The following CHST9 variants were observed in gnomAD, a reference collection of about 807,000 sequenced individuals.
The protein encoded by CHST9 is GalNAc-4-sulfotransferase 2.
In CHST9, 41 loss-of-function variants were observed where a neutral mutation model predicts 44.4. That is an observed-to-expected ratio of 0.92 (90% CI 0.72 to 1.20). CHST9 has a LOEUF of 1.20. CHST9 is among the 50% of genes most tolerant of loss of function. The pLI is 0.00. For synonymous variants in CHST9, 171 were observed against 178.4 expected, an observed-to-expected ratio of 0.96 and a Z score of 0.33; for missense variants, 504 against 516.5, an observed-to-expected ratio of 0.98 and a Z score of 0.23.
chr18:27,148,257 T>A (rs547707801), intron 1 of CHST9, among the ~76,000 whole-genome samples: 32 of 151,926 alleles, frequency 2.1e-4, no homozygotes, highest in South Asian at 1.0e-3. Flanking sequence ...TCTTTTTTTT[T>A]AATTTTATTA....
intron 2 of CHST9, among the ~76,000 whole-genome samples, chr18:27,075,299 C>T (rs966867745): frequency 6.6e-6 from 1 of 151,668 alleles, no homozygotes; most frequent in Non-Finnish European, 1.5e-5. Flanking sequence ...ATTTCCACTG[C>T]TTAAGAAAGC....
At chr18:27,019,625 G>A (rs1459276288) in intron 4 of CHST9, among the ~76,000 whole-genome samples, 1 of 137,778 alleles carries the variant, frequency 7.3e-6, no homozygotes. Flanking sequence ...GCTAGTCTGG[G>A]TTATATTCTT....
intron 1 of CHST9, among the ~76,000 whole-genome samples, chr18:27,178,159 T>C (rs561011088): frequency 6.7e-4 from 102 of 152,124 alleles, no homozygotes; most frequent in African/African-American, 2.4e-3. Context: ...GATCAAATTG[T>C]GTTCTGTACA....
At chr18:27,066,263 C>T (rs1213205110) in intron 2 of CHST9, among the ~76,000 whole-genome samples, 1 of 152,190 alleles carries the variant, frequency 6.6e-6, no homozygotes, top group South Asian at 2.1e-4. Context: ...TGGACCCTCT[C>T]TCTTCCAGGT....
At chr18:27,059,931 G>A (rs2143608778) in intron 2 of CHST9, among the ~76,000 whole-genome samples, 1 of 152,368 alleles carries the variant, frequency 6.6e-6, no homozygotes. Flanking sequence ...GTTTAGATCA[G>A]TGGATATTGA....
chr18:26,987,336 C>T (rs997857769), intron 4 of CHST9, among the ~76,000 whole-genome samples: 1 of 152,068 alleles, frequency 6.6e-6, no homozygotes, highest in Non-Finnish European at 1.5e-5. Flanking sequence ...TTGTCAGAAG[C>T]CAGTGTCATG....
intron 4 of CHST9, among the ~76,000 whole-genome samples, chr18:26,973,217 A>C (rs2056574954): frequency 1.3e-5 from 2 of 152,122 alleles, no homozygotes; most frequent in South Asian, 4.1e-4. Flanking sequence ...ATTCCTTTTC[A>C]ATGGTCTATT....
intron 2 of CHST9, among the ~76,000 whole-genome samples, chr18:27,079,135 C>T (rs560482213): frequency 4.9e-4 from 75 of 152,136 alleles, no homozygotes; most frequent in Non-Finnish European, 9.3e-4. Context: ...ATACGATAAA[C>T]CATATTTCAT....
chr18:27,172,810 T>G (rs1468265336), intron 1 of CHST9, among the ~76,000 whole-genome samples: 1 of 152,056 alleles, frequency 6.6e-6, no homozygotes, highest in Non-Finnish European at 1.5e-5. Context: ...ACTATCCATA[T>G]TCTTATCTTT....
chr18:26,964,187 T>C (rs2056435982), intron 4 of CHST9, among the ~76,000 whole-genome samples: 1 of 152,230 alleles, frequency 6.6e-6, no homozygotes, highest in Non-Finnish European at 1.5e-5. Context: ...GAAATCCATA[T>C]AATTTCCTTT....
At chr18:26,934,702 T>G (rs2145095175) in intron 5 of CHST9, 1 of 152,276 alleles carries the variant, frequency 6.6e-6, no homozygotes, top group South Asian at 2.1e-4. Context: ...CAGGAAAAAT[T>G]TCATACCAAT....
intron 4 of CHST9, among the ~76,000 whole-genome samples, chr18:26,997,262 T>C (rs1568126206): frequency 1.3e-5 from 2 of 152,218 alleles, no homozygotes; most frequent in Non-Finnish European, 2.9e-5. Context: ...CTCCAGCATA[T>C]AACTGCAAAC....
chr18:27,081,233 C>T (rs1439218699), intron 2 of CHST9, among the ~76,000 whole-genome samples: 1 of 152,016 alleles, frequency 6.6e-6, no homozygotes, highest in Non-Finnish European at 1.5e-5. Context: ...AGCTACCCAG[C>T]TACTCAGGAA....
intron 4 of CHST9, among the ~76,000 whole-genome samples, chr18:26,966,227 T>C (rs1400075543): frequency 6.6e-6 from 1 of 152,210 alleles, no homozygotes; most frequent in African/African-American, 2.4e-5. Flanking sequence ...ACTATAAAAC[T>C]ATGCTTTATA....
At chr18:27,048,083 C>T (rs1012136054) in intron 3 of CHST9, among the ~76,000 whole-genome samples, 12 of 152,082 alleles carry the variant, frequency 7.9e-5, no homozygotes, top group Non-Finnish European at 1.5e-4. Flanking sequence ...AAAGCATCCA[C>T]TACATATACG....
intron 2 of CHST9, among the ~76,000 whole-genome samples, chr18:27,084,104 T>C (rs1399171302): frequency 1.3e-5 from 2 of 151,978 alleles, no homozygotes; most frequent in African/African-American, 4.8e-5. Context: ...AAGTTGCTTT[T>C]TTTTTTTTGC....
rs567746110 is a variant in CHST9 at position 26,980,415 on chromosome 18, A to G, written c.203-36049T>C. 3.9e-5 allele frequency among the ~76,000 whole-genome samples: 6 copies of G among 152,302 alleles called. No individual in the cohort carries two copies. In the South Asian group the frequency reaches 1.2e-3, roughly 32 times the overall value. ...AAGATAATAATGGCAATGATTATGT[A>G]CCAAACATAAATTGGAGGATGAGAG... On this transcript the variant is annotated intron_variant, in intron 4 of 5. Transcript: ENST00000618847.
At chr18:27,059,677 T>C (rs1025682553) in intron 2 of CHST9, among the ~76,000 whole-genome samples, 1 of 152,198 alleles carries the variant, frequency 6.6e-6, no homozygotes, top group Non-Finnish European at 1.5e-5. Flanking sequence ...CCCCACACTC[T>C]TAATCATCAT....
intron 1 of CHST9, among the ~76,000 whole-genome samples, chr18:27,182,803 C>T (rs1299980670): frequency 2.0e-5 from 3 of 152,076 alleles, no homozygotes; most frequent in Non-Finnish European, 4.4e-5. Flanking sequence ...AACAGGTAAA[C>T]ATGTTATTCA....
Sources: gnomAD v4.1 joint callset for allele counts (sites outside exome capture counted in the v4.1 genomes callset) on GRCh38, gnomAD v4.1.1 for gene constraint, MANE v1.5 for transcripts, NCBI Gene and HGNC (gene_info 2026-07-23, HGNC 2026-07-21) for gene names.